MED13L: variants seen among roughly 807,000 people sequenced by gnomAD.
The protein encoded by MED13L is mediator of RNA polymerase II transcription subunit 13-like.
MED13L carries 7 observed loss-of-function variants against 220.9 expected under a neutral mutation model. The observed-to-expected ratio is 0.03, with a 90% CI of 0.02 to 0.06. The LOEUF (loss-of-function observed/expected upper bound fraction) is 0.06. MED13L is among the 10% of genes least tolerant of loss of function. The pLI is 1.00. For missense variants in MED13L, 1,965 were observed against 2,760.5 expected (o/e 0.71, Z 6.46); for synonymous variants, 1,011 against 1,015.2 (o/e 1.00, Z 0.08).
intron 5 of MED13L, among the ~76,000 whole-genome samples, chr12:116,021,182 T>C (rs1353631312): frequency 2.0e-5 from 3 of 152,158 alleles, no homozygotes; most frequent in Non-Finnish European, 4.4e-5. Context: ...TCCACAAAAG[T>C]ATTCTATGAC....
At chr12:116,009,981 C>T (rs1044447694) in intron 9 of MED13L, among the ~76,000 whole-genome samples, 4 of 152,102 alleles carry the variant, frequency 2.6e-5, no homozygotes, top group Non-Finnish European at 2.9e-5. Flanking sequence ...GGTCTCCTGC[C>T]GGTGTAGTAG....
chr12:116,006,872 G>C (rs557590679), intron 11 of MED13L: 3 of 203,176 alleles, frequency 1.5e-5, no homozygotes, highest in African/African-American at 2.4e-5. Context: ...CCATATTTTA[G>C]AATGTCTGAA....
At chr12:116,242,808 A>G (rs1870773639) in intron 1 of MED13L, among the ~76,000 whole-genome samples, 1 of 152,224 alleles carries the variant, frequency 6.6e-6, no homozygotes. Flanking sequence ...GATCCCAAAT[A>G]TAACTAGATT....
chr12:116,210,580 TA>T (rs1882636774), intron 2 of MED13L, among the ~76,000 whole-genome samples: 3 of 144,896 alleles, frequency 2.1e-5, no homozygotes, highest in Non-Finnish European at 4.5e-5. Context: ...TATATATATA[TA>T]TATTTCTATA....
At chr12:116,135,852 T>C (rs1226062231) in intron 2 of MED13L, among the ~76,000 whole-genome samples, 1 of 151,888 alleles carries the variant, frequency 6.6e-6, no homozygotes, top group African/African-American at 2.4e-5. Context: ...ATGTTCAGTA[T>C]ACACAGAAGC....
intron 25 of MED13L, chr12:115,972,573 T>C: frequency 5.9e-6 from 2 of 338,086 alleles, no homozygotes; most frequent in Non-Finnish European, 1.1e-5. Flanking sequence ...TGCCCTATCC[T>C]TTCTCCTCCT....
At chr12:116,218,137 A>C (rs1883111181) in intron 2 of MED13L, among the ~76,000 whole-genome samples, 1 of 152,184 alleles carries the variant, frequency 6.6e-6, no homozygotes, top group African/African-American at 2.4e-5. Flanking sequence ...ACTTTTGTCA[A>C]GTCATTTTCC....
intron 2 of MED13L, among the ~76,000 whole-genome samples, chr12:116,235,227 T>C (rs987354735): frequency 1.3e-5 from 2 of 152,158 alleles, no homozygotes; most frequent in African/African-American, 4.8e-5. Flanking sequence ...AATGGACACT[T>C]CATATAAATG....
chr12:115,996,920 G>A, intron 15 of MED13L, 90 bp downstream of exon 15: 1 of 1,343,672 alleles, frequency 7.4e-7, no homozygotes, highest in Non-Finnish European at 1.1e-6. Context: ...ATGTATATAT[G>A]GCACACAGAC....
At chr12:116,128,756 GT>G (rs1232709612) in intron 2 of MED13L, among the ~76,000 whole-genome samples, 2 of 152,248 alleles carry the variant, frequency 1.3e-5, no homozygotes, top group East Asian at 3.9e-4. Context: ...AAGTTACACA[GT>G]TATGGAGTGA....
intron 1 of MED13L, among the ~76,000 whole-genome samples, chr12:116,239,050 G>A (rs1232508181): frequency 6.6e-6 from 1 of 152,214 alleles, no homozygotes; most frequent in East Asian, 1.9e-4. Flanking sequence ...AGCCGAGATC[G>A]TGCCACGGCA....
At chr12:116,235,287 A>G (rs189354828) in intron 2 of MED13L, among the ~76,000 whole-genome samples, 3 of 152,326 alleles carry the variant, frequency 2.0e-5, no homozygotes, top group Admixed American at 6.5e-5. Flanking sequence ...GACGCACTCA[A>G]TGAAATTATA....
chr12:116,276,697 C>G, intron 1 of MED13L: 1 of 1,199,242 alleles, frequency 8.3e-7, no homozygotes, highest in South Asian at 1.6e-5. Context: ...CAAGGCAAAG[C>G]CTTCCACATT....
chr12:116,148,579 C>G (rs376553192), intron 2 of MED13L: 2 of 285,730 alleles, frequency 7.0e-6, no homozygotes, highest in Non-Finnish European at 1.6e-5. Flanking sequence ...TGTTTTATTT[C>G]TATATCTATC....
At chr12:116,238,934 A>G (rs1870353844) in intron 1 of MED13L, among the ~76,000 whole-genome samples, 1 of 152,130 alleles carries the variant, frequency 6.6e-6, no homozygotes, top group African/African-American at 2.4e-5. Context: ...GTCTCCACTA[A>G]AAATACCAAA....
At chr12:116,148,352 T>A (rs953395039) in intron 2 of MED13L, among the ~76,000 whole-genome samples, 1 of 151,928 alleles carries the variant, frequency 6.6e-6, no homozygotes, top group East Asian at 1.9e-4. Flanking sequence ...TAAAATTATT[T>A]ATAATTGTTG....
chr12:115,961,510 T>A, intron 30 of MED13L, 112 bp from the exon 31 acceptor site: 1 of 1,410,570 alleles, frequency 7.1e-7, no homozygotes, highest in Non-Finnish European at 9.9e-7. Context: ...AGGCATTCCT[T>A]AACTTGCCCC....
At chr12:116,242,140 G>A (rs985794112) in intron 1 of MED13L, among the ~76,000 whole-genome samples, 1 of 149,734 alleles carries the variant, frequency 6.7e-6, no homozygotes, top group Admixed American at 6.7e-5. Flanking sequence ...CCCCTCCCAG[G>A]TGCAAGCCAT....
Position 116,221,555 on chromosome 12 carries a change from A to G in MED13L, c.310+15913T>C, listed in dbSNP as rs148966111. 3.9e-4 allele frequency among the ~76,000 whole-genome samples: 59 copies of G among 152,178 alleles called. 1 individual carries two copies. In the East Asian group the frequency reaches 0.011, roughly 27 times the overall value. On this transcript the variant is annotated intron_variant, in intron 2 of 30. Coordinates refer to ENST00000281928, the MANE Select transcript of MED13L (RefSeq NM_015335.5). Reference sequence around the variant, plus strand: ...ATATCTGATTATTTTCTGGTTCCCAATTTTCAATATATAATTCTTTCAAAC... The same window carrying G: ...ATATCTGATTATTTTCTGGTTCCCAGTTTTCAATATATAATTCTTTCAAAC...
Sources: allele counts gnomAD v4.1 joint callset (sites outside exome capture counted in the v4.1 genomes callset), GRCh38; gene constraint gnomAD v4.1.1; transcripts MANE v1.5; gene names NCBI Gene and HGNC (gene_info 2026-07-23, HGNC 2026-07-21).